AGBL1: variants seen among roughly 807,000 people sequenced by gnomAD.
AGBL1 encodes cytosolic carboxypeptidase 4.
AGBL1 carries 130 observed loss-of-function variants against 118.9 expected under a neutral mutation model. The observed-to-expected ratio is 1.09, with a 90% CI of 0.95 to 1.26. The LOEUF is 1.26. Ranked by LOEUF, AGBL1 falls within the 50% of genes most tolerant of loss-of-function variation. The pLI, the probability that AGBL1 is intolerant of heterozygous loss-of-function variation, is 0.00. For synonymous variants in AGBL1, 555 were observed against 478.9 expected (o/e 1.16, Z -2.08); for missense variants, 1,584 against 1,298.1 (o/e 1.22, Z -3.38).
At chr15:86,278,208 C>G (rs1320002406) in intron 15 of AGBL1, among the ~76,000 whole-genome samples, 2 of 152,190 alleles carry the variant, frequency 1.3e-5, no homozygotes, top group East Asian at 1.9e-4. Flanking sequence ...TGGGAAGACA[C>G]TATTTTAAAA....
chr15:86,825,063 A>AAAAC (rs377742748), intron 22 of AGBL1, among the ~76,000 whole-genome samples: 343 of 152,196 alleles, frequency 2.3e-3, no homozygotes, highest in African/African-American at 7.9e-3. Context: ...TCTCAAAACA[A>AAAAC]AAACAAACAA....
At chr15:86,555,621 C>A (rs760919022) in intron 21 of AGBL1, among the ~76,000 whole-genome samples, 2 of 152,120 alleles carry the variant, frequency 1.3e-5, no homozygotes, top group Non-Finnish European at 2.9e-5. Context: ...ATCCTATTCA[C>A]CCACATTAAT....
intron 22 of AGBL1, among the ~76,000 whole-genome samples, chr15:86,798,077 G>A (rs1596490643): frequency 6.6e-6 from 1 of 152,158 alleles, no homozygotes; most frequent in East Asian, 1.9e-4. Flanking sequence ...TGTTGCAATT[G>A]AAATCCTGAG....
At chr15:86,201,103 GATAA>G (rs962697461) in intron 5 of AGBL1, among the ~76,000 whole-genome samples, 14 of 151,892 alleles carry the variant, frequency 9.2e-5, no homozygotes, top group African/African-American at 3.1e-4. Context: ...AATTATATAT[GATAA>G]ATAGTCTTGT....
chr15:86,281,157 G>A (rs533562225), intron 16 of AGBL1, among the ~76,000 whole-genome samples: 4 of 152,294 alleles, frequency 2.6e-5, no homozygotes, highest in African/African-American at 9.6e-5. Flanking sequence ...GCCAAGATGA[G>A]AGGATTGCTT....
At chr15:86,863,111 G>T (rs2079581106) in intron 22 of AGBL1, among the ~76,000 whole-genome samples, 1 of 152,162 alleles carries the variant, frequency 6.6e-6, no homozygotes, top group South Asian at 2.1e-4. Flanking sequence ...TAGAGAGATA[G>T]ATTCCATGCG....
In AGBL1 at chr15:86,797,814, G is replaced by A. The variant is rs1317509242; in HGVS notation, c.3159-109273G>A. ...TGGAAGAACCTGCAAAGGGAAGGAA[G>A]CCCTTGGAGGTGGAGGCCTTAGAAT... On this transcript the variant is annotated intron_variant, in intron 22 of 22. Coordinates refer to ENST00000614907, the MANE Select transcript of AGBL1 (RefSeq NM_001386094.1). Among the ~76,000 whole-genome samples, 4 of 152,176 alleles carry A rather than the reference G, an allele frequency of 2.6e-5. No individual in the cohort carries two copies. The East Asian group carries it at 7.7e-4, about 29-fold the overall frequency.
chr15:86,752,723 C>G (rs796249540), intron 22 of AGBL1, among the ~76,000 whole-genome samples: 4 of 152,044 alleles, frequency 2.6e-5, no homozygotes, highest in African/African-American at 9.7e-5. Flanking sequence ...AGAATAGATA[C>G]CTTTGAAGCC....
intron 1 of AGBL1, among the ~76,000 whole-genome samples, chr15:86,137,968 C>G (rs1285471940): frequency 6.6e-6 from 1 of 152,118 alleles, no homozygotes; most frequent in Non-Finnish European, 1.5e-5. Context: ...GCAGATAAAA[C>G]AGAAGTATAG....
intron 18 of AGBL1, among the ~76,000 whole-genome samples, chr15:86,493,472 G>A (rs988638683): frequency 1.3e-5 from 2 of 152,012 alleles, no homozygotes; most frequent in Non-Finnish European, 2.9e-5. Context: ...ATGAAGGGGA[G>A]AGCATGCCCA....
At chr15:86,638,537 G>T (rs1017068127) in intron 21 of AGBL1, among the ~76,000 whole-genome samples, 1 of 152,110 alleles carries the variant, frequency 6.6e-6, no homozygotes, top group Non-Finnish European at 1.5e-5. Context: ...GGACTTGGTG[G>T]ATGGCCACAG....
chr15:86,796,315 GTCCTT>G (rs2141340287), intron 22 of AGBL1, among the ~76,000 whole-genome samples: 1 of 152,284 alleles, frequency 6.6e-6, no homozygotes, highest in Non-Finnish European at 1.5e-5. Flanking sequence ...AATACACTCT[GTCCTT>G]TCATTTCTGT....
intron 18 of AGBL1, among the ~76,000 whole-genome samples, chr15:86,466,795 A>G (rs2082413766): frequency 1.3e-5 from 2 of 152,188 alleles, no homozygotes; most frequent in African/African-American, 4.8e-5. Context: ...TCCACTCCAG[A>G]TCCTATATGC....
At chr15:86,730,295 A>G (rs1174105141) in intron 22 of AGBL1, among the ~76,000 whole-genome samples, 1 of 152,210 alleles carries the variant, frequency 6.6e-6, no homozygotes, top group Non-Finnish European at 1.5e-5. Context: ...TCTGCATAGC[A>G]AGAGAAACTA....
At chr15:86,957,363 A>T (rs557175298) in intron 23 of AGBL1, among the ~76,000 whole-genome samples, 14 of 152,226 alleles carry the variant, frequency 9.2e-5, no homozygotes, top group African/African-American at 3.1e-4. Context: ...AAAAAATTTC[A>T]ATAAAATATG....
At chr15:86,824,059 G>T (rs1208232887) in intron 22 of AGBL1, among the ~76,000 whole-genome samples, 1 of 151,882 alleles carries the variant, frequency 6.6e-6, no homozygotes, top group African/African-American at 2.4e-5. Flanking sequence ...TTCAACACAA[G>T]CCTGGAAGCT....
intron 22 of AGBL1, among the ~76,000 whole-genome samples, chr15:86,723,427 T>A (rs2142728264): frequency 6.6e-6 from 1 of 152,264 alleles, no homozygotes; most frequent in African/African-American, 2.4e-5. Context: ...ACACCACATG[T>A]TCTCACTCCT....
In AGBL1 at chr15:86,154,676, G is replaced by A. The variant is rs755943063; in HGVS notation, c.394+115G>A. ...GCATGGGTGAGAGATACACATGGTG[G>A]TCCCAGCCAGATAAATAAAAGAGAC... is the stretch of plus-strand genomic sequence containing the variant. On this transcript the variant is annotated intron_variant, in intron 4 of 22. Transcript: ENST00000614907. 2.4e-6 allele frequency: 3 copies of A among 1,251,250 alleles called. No homozygotes were observed. In the African/African-American group the frequency reaches 4.6e-5, roughly 19 times the overall value. The allele number at this position is 1,251,250 out of a possible 1,614,324, so 77.5% of individuals were successfully genotyped here. A position where few individuals can be genotyped will look rare whatever the true frequency, so the allele number is the denominator to read the frequency against.
chr15:86,561,887 T>A (rs2083827322), intron 21 of AGBL1, among the ~76,000 whole-genome samples: 1 of 152,166 alleles, frequency 6.6e-6, no homozygotes, highest in Non-Finnish European at 1.5e-5. Flanking sequence ...GTAAATTGGA[T>A]TCCTAGGTAT....
Sources: allele counts gnomAD v4.1 joint callset (sites outside exome capture counted in the v4.1 genomes callset), GRCh38; gene constraint gnomAD v4.1.1; transcripts MANE v1.5; gene names NCBI Gene and HGNC (gene_info 2026-07-23, HGNC 2026-07-21).